The following BTBD9 variants were observed in gnomAD, a reference collection of about 807,000 sequenced individuals.
BTBD9 encodes BTB/POZ domain-containing protein 9.
In BTBD9, 49 loss-of-function variants were observed where a neutral mutation model predicts 64.3. The ratio of observed to expected loss-of-function variants is 0.76; its 90% CI spans 0.61 to 0.97. The LOEUF (loss-of-function observed/expected upper bound fraction) is 0.97. Among genes scored for constraint, BTBD9 ranks in the 50% least tolerant of loss-of-function variants. The pLI is 0.00. For missense variants in BTBD9, 598 were observed against 762.1 expected (o/e 0.78, Z 2.53); for synonymous variants, 260 against 274.7 (o/e 0.95, Z 0.53).
chr6:38,198,973 CAG>C (rs1762363075), intron 9 of BTBD9, among the ~76,000 whole-genome samples: 1 of 152,128 alleles, frequency 6.6e-6, no homozygotes, highest in African/African-American at 2.4e-5. Context: ...CTCAAGTCAC[CAG>C]CTACCTTTGA....
At chr6:38,566,462 G>T (rs1305572750) in intron 6 of BTBD9, among the ~76,000 whole-genome samples, 1 of 152,174 alleles carries the variant, frequency 6.6e-6, no homozygotes, top group Non-Finnish European at 1.5e-5. Context: ...TAAAAAGGAA[G>T]TTTACAGAGA....
rs74569303 is a variant in BTBD9, at chr6:38,200,853, C to A, written c.1563-8256G>T. Among the ~76,000 whole-genome samples the A allele has an allele frequency of 1.4e-3, 208 of 152,092 alleles. 5 individuals are homozygous for A. The East Asian group carries it at 0.032, about 24-fold the overall frequency. On this transcript the variant is annotated intron_variant, in intron 9 of 10. Transcript: ENST00000481247. ...CAAACATATAAAGAGGAACTAATAC[C>A]AATCCTCTTCAAACTATTCTAAAAA...
At chr6:38,434,998 C>G (rs1429725357) in intron 6 of BTBD9, among the ~76,000 whole-genome samples, 1 of 151,758 alleles carries the variant, frequency 6.6e-6, no homozygotes, top group Non-Finnish European at 1.5e-5. Context: ...AGTTCGAGAC[C>G]AGCCTGACCA....
intron 6 of BTBD9, among the ~76,000 whole-genome samples, chr6:38,435,612 T>TTCC (rs1337529810): frequency 2.6e-4 from 1 of 3,834 alleles, no homozygotes; most frequent in Non-Finnish European, 7.8e-4. Flanking sequence ...CCTTCCTTCC[T>TTCC]TCCCTCCCCC....
At chr6:38,295,555 C>T (rs1037818320) in intron 7 of BTBD9, among the ~76,000 whole-genome samples, 9 of 152,054 alleles carry the variant, frequency 5.9e-5, no homozygotes, top group African/African-American at 2.2e-4. Context: ...TCAAACTTTT[C>T]TTTTTATGTT....
chr6:38,538,122 C>T (rs952036851), intron 6 of BTBD9, among the ~76,000 whole-genome samples: 7 of 152,076 alleles, frequency 4.6e-5, no homozygotes, highest in Non-Finnish European at 8.8e-5. Context: ...AACATCAGAC[C>T]CACATGTTAG....
At chr6:38,449,264 GAA>G (rs566509213) in intron 6 of BTBD9, among the ~76,000 whole-genome samples, 94 of 152,288 alleles carry the variant, frequency 6.2e-4, no homozygotes, top group African/African-American at 2.0e-3. Flanking sequence ...TCTACTCAAA[GAA>G]AGAATAGTCT....
chr6:38,400,954 C>G (rs1766899916), intron 6 of BTBD9, among the ~76,000 whole-genome samples: 1 of 152,174 alleles, frequency 6.6e-6, no homozygotes, highest in Non-Finnish European at 1.5e-5. Context: ...TTACTTCAGG[C>G]CAGGTCATGG....
chr6:38,315,858 T>C (rs1281752354), intron 7 of BTBD9, among the ~76,000 whole-genome samples: 2 of 152,200 alleles, frequency 1.3e-5, no homozygotes, highest in Non-Finnish European at 2.9e-5. Context: ...AGTCTGATGT[T>C]TCTTTATTGA....
intron 6 of BTBD9, among the ~76,000 whole-genome samples, chr6:38,400,052 G>T (rs551020236): frequency 6.6e-6 from 1 of 151,788 alleles, no homozygotes; most frequent in Non-Finnish European, 1.5e-5. Flanking sequence ...GTGAGCCACT[G>T]TGCCTGGCCT....
intron 6 of BTBD9, among the ~76,000 whole-genome samples, chr6:38,544,300 T>C (rs183123675): frequency 6.6e-6 from 1 of 152,274 alleles, no homozygotes; most frequent in African/African-American, 2.4e-5. Context: ...CTGGGGATTT[T>C]AGTATCCATG....
At chr6:38,635,885 A>G (rs1778512775) in intron 1 of BTBD9, among the ~76,000 whole-genome samples, 1 of 152,200 alleles carries the variant, frequency 6.6e-6, no homozygotes, top group African/African-American at 2.4e-5. Context: ...CACAAAACAA[A>G]GACAAGAACT....
rs115175095 is a variant in BTBD9 at position 38,409,555 on chromosome 6, T to G, written c.1155-64462A>C. Among the ~76,000 whole-genome samples the G allele has an allele frequency of 6.6e-3, 1,001 of 152,326 alleles. 5 individuals carry two copies. The highest frequency in any genetic ancestry group is 0.011 in the Non-Finnish European group (741 of 68,028). On this transcript the variant is annotated intron_variant, in intron 6 of 10. Transcript: ENST00000481247. ...AAATATGTGATCTGGCTGAGCATGGTGGCTCACGCCTGTAATTCCAGCACT... is the reference window on the plus strand; with the variant it reads ...AAATATGTGATCTGGCTGAGCATGGGGGCTCACGCCTGTAATTCCAGCACT...
At chr6:38,404,633 C>A (rs1767087059) in intron 6 of BTBD9, among the ~76,000 whole-genome samples, 2 of 152,158 alleles carry the variant, frequency 1.3e-5, no homozygotes, top group African/African-American at 4.8e-5. Context: ...TGCCAAAAAC[C>A]AAATTCAAAA....
chr6:38,487,514 C>T (rs757288474), intron 6 of BTBD9, among the ~76,000 whole-genome samples: 18 of 151,204 alleles, frequency 1.2e-4, no homozygotes, highest in Non-Finnish European at 1.3e-4. Flanking sequence ...CCAGGGAGGT[C>T]GAGGCTGCAG....
chr6:38,191,141 T>C (rs1447772516), intron 10 of BTBD9, among the ~76,000 whole-genome samples: 2 of 152,258 alleles, frequency 1.3e-5, no homozygotes, highest in Non-Finnish European at 2.9e-5. Context: ...CAGATTTGTT[T>C]TGAAATAAAG....
At chr6:38,442,431 C>T (rs1028751999) in intron 6 of BTBD9, among the ~76,000 whole-genome samples, 2 of 152,058 alleles carry the variant, frequency 1.3e-5, no homozygotes, top group Non-Finnish European at 2.9e-5. Flanking sequence ...GATCACGCCA[C>T]TGCATTCCAG....
chr6:38,610,781 G>A (rs73733956), intron 1 of BTBD9, among the ~76,000 whole-genome samples: 17,076 of 152,084 alleles, frequency 0.11, 1,171 homozygotes, highest in Non-Finnish European at 0.15. Flanking sequence ...AGTATAAACT[G>A]GTTCAGCTTT....
chr6:38,345,217 C>T (rs1764233753), intron 6 of BTBD9, 124 bp from the exon 7 acceptor site: 1 of 524,064 alleles, frequency 1.9e-6, no homozygotes, highest in Admixed American at 3.0e-5. Context: ...AAAGGAGACT[C>T]TGAGCTTGAC....
Sources: gnomAD v4.1 joint callset for allele counts (sites outside exome capture counted in the v4.1 genomes callset) on GRCh38, gnomAD v4.1.1 for gene constraint, MANE v1.5 for transcripts, NCBI Gene and HGNC (gene_info 2026-07-23, HGNC 2026-07-21) for gene names.